Variants in MPP2 observed in about 807,000 individuals in gnomAD.
MPP2 encodes MAGUK p55 scaffold protein 2.
Under a neutral mutation model 58.5 loss-of-function variants are expected in MPP2, and 42 were observed. The observed-to-expected ratio is 0.72, with a 90% confidence interval of 0.56 to 0.93. The LOEUF (loss-of-function observed/expected upper bound fraction) is 0.93. Among genes scored for constraint, MPP2 ranks in the 40% least tolerant of loss-of-function variants. The pLI, the probability that MPP2 is intolerant of heterozygous loss-of-function variation, is 0.00. For synonymous variants in MPP2, 300 were observed against 307.8 expected, an observed-to-expected ratio of 0.97 and a Z score of 0.26; for missense variants, 632 against 760.4, an observed-to-expected ratio of 0.83 and a Z score of 1.99.
rs59817478 is a variant in MPP2, at chr17:43,877,755, A to G, written c.*52T>C. 2.3e-3 allele frequency: 3,465 copies of G among 1,505,164 alleles called. 61 individuals carry two copies. In the African/African-American group the frequency reaches 0.039, roughly 17 times the overall value. 93.2% of individuals were successfully genotyped at this position (1,505,164 alleles called of 1,614,324 possible). A position where few individuals can be genotyped will look rare whatever the true frequency, so the allele number is the denominator to read the frequency against. ...GGGTCACAGGTCAGGAGGGGGATGG[A>G]TTCAGGTTCTGGGTTTCAACACAGA... is the stretch of plus-strand genomic sequence containing the variant. On this transcript the variant is annotated 3_prime_UTR_variant, in exon 13 of 13. Coordinates refer to ENST00000269095, the MANE Select transcript of MPP2 (RefSeq NM_005374.5).
intron 2 of MPP2, among the ~76,000 whole-genome samples, chr17:43,898,672 G>A (rs1371043133): frequency 6.6e-6 from 1 of 152,232 alleles, no homozygotes; most frequent in African/African-American, 2.4e-5. Context: ...GTGGAGAGAA[G>A]GGAGAAAGGG....
chr17:43,906,895 A>G (rs1027589849), intron 1 of MPP2, among the ~76,000 whole-genome samples: 1 of 131,058 alleles, frequency 7.6e-6, no homozygotes, highest in African/African-American at 3.0e-5. Context: ...TTCTAACCCT[A>G]GCTCTTCGCT....
intron 3 of MPP2, among the ~76,000 whole-genome samples, chr17:43,897,036 G>C (rs1256452331): frequency 6.6e-6 from 1 of 152,128 alleles, no homozygotes; most frequent in African/African-American, 2.4e-5. Flanking sequence ...CCTAAGGTCT[G>C]GGACCACAGC....
At chr17:43,885,027 C>T (rs1309628903) in intron 3 of MPP2, among the ~76,000 whole-genome samples, 1 of 149,972 alleles carries the variant, frequency 6.7e-6, no homozygotes, top group Non-Finnish European at 1.5e-5. Context: ...GAGGCTGAGG[C>T]AGGAGAACCG....
At chr17:43,885,644 T>G (rs1256438746) in intron 3 of MPP2, among the ~76,000 whole-genome samples, 1 of 152,222 alleles carries the variant, frequency 6.6e-6, no homozygotes, top group Non-Finnish European at 1.5e-5. Context: ...ACTTATTTGT[T>G]CTGTCCTTCA....
At chr17:43,909,354 C>G (rs978630327), upstream of MPP2, among the ~76,000 whole-genome samples, 1 of 152,190 alleles carries the variant, frequency 6.6e-6, no homozygotes, top group Non-Finnish European at 1.5e-5. Flanking sequence ...GCATGAGCCA[C>G]TGCACCCGGC....
In MPP2 at chr17:43,904,536, G is replaced by C. The variant is rs2048217611; in HGVS notation, c.-33-43C>G. 7 of 1,566,204 alleles carry C rather than the reference G, an allele frequency of 4.5e-6. No individual in the cohort carries two copies. In the African/African-American group the frequency reaches 5.4e-5, roughly 12 times the overall value. ...GAGGATGAGCAGATACAAGGGCAAAGCAATGGGGAAGGGAATAGGAAGAGC... is the reference window on the plus strand; with the variant it reads ...GAGGATGAGCAGATACAAGGGCAAACCAATGGGGAAGGGAATAGGAAGAGC... On this transcript the variant is annotated intron_variant, in intron 1 of 12. Transcript: ENST00000269095.
At chr17:43,897,395 C>G (rs2143730244) in intron 3 of MPP2, among the ~76,000 whole-genome samples, 1 of 152,322 alleles carries the variant, frequency 6.6e-6, no homozygotes, top group African/African-American at 2.4e-5. Context: ...GCAGAAGAAT[C>G]ACTTGAACTC....
At chr17:43,906,041 G>A in intron 1 of MPP2, 3 of 951,116 alleles carry the variant, frequency 3.2e-6, no homozygotes, top group Non-Finnish European at 3.8e-6. Flanking sequence ...AGAGCAGGGA[G>A]GAGGGATCCC....
At chr17:43,892,609 C>T (rs2047653836) in intron 3 of MPP2, among the ~76,000 whole-genome samples, 1 of 151,998 alleles carries the variant, frequency 6.6e-6, no homozygotes. Context: ...GTTTCACAAC[C>T]ACAGGGAGAA....
intron 3 of MPP2, among the ~76,000 whole-genome samples, chr17:43,894,462 C>A (rs866683769): frequency 0.046 from 3,924 of 85,374 alleles, 237 homozygotes; most frequent in African/African-American, 0.14. Flanking sequence ...CACACACACA[C>A]AAAAATTAGC....
intron 2 of MPP2, among the ~76,000 whole-genome samples, chr17:43,902,152 T>A (rs575069981): frequency 1.4e-4 from 21 of 152,168 alleles, no homozygotes; most frequent in Non-Finnish European, 2.8e-4. Context: ...AAACACTTTG[T>A]ACTTCTTCCT....
chr17:43,890,483 A>C (rs2047558827), intron 3 of MPP2, among the ~76,000 whole-genome samples: 1 of 152,224 alleles, frequency 6.6e-6, no homozygotes. Flanking sequence ...AAATGCAAAC[A>C]CTACACAGTC....
intron 2 of MPP2, among the ~76,000 whole-genome samples, chr17:43,902,486 G>T (rs1297547601): frequency 1.3e-5 from 2 of 152,218 alleles, no homozygotes; most frequent in Non-Finnish European, 2.9e-5. Context: ...GCTGAAAGAG[G>T]CAGGGAGACC....
At chr17:43,893,850 C>T (rs906533523) in intron 3 of MPP2, among the ~76,000 whole-genome samples, 47 of 152,286 alleles carry the variant, frequency 3.1e-4, no homozygotes, top group African/African-American at 7.0e-4. Context: ...AACACCACAC[C>T]GCAGTTCAAA....
At chr17:43,901,487 G>A in intron 2 of MPP2, 1 of 985,490 alleles carries the variant, frequency 1.0e-6, no homozygotes, top group Non-Finnish European at 1.2e-6. Flanking sequence ...ATTCCTCTGA[G>A]ATCTTGTGCC....
In MPP2 at chr17:43,879,127, G is replaced by T; in HGVS notation, c.1482+148C>A. The T allele has an allele frequency of 1.0e-6, 1 of 985,070 alleles. No homozygotes were observed. The highest frequency in any genetic ancestry group is 1.5e-6 in the Non-Finnish European group (1 of 658,208). The allele number at this position is 985,070 out of a possible 1,614,324, so 61.0% of individuals were successfully genotyped here. A position where few individuals can be genotyped will look rare whatever the true frequency, so the allele number is the denominator to read the frequency against. Reference sequence around the variant, plus strand: ...CTCAGACCTCCCCTTCCACATCTATGCAGGGGGGACCACGTCCTGCCTCAC... The same window carrying T: ...CTCAGACCTCCCCTTCCACATCTATTCAGGGGGGACCACGTCCTGCCTCAC... On this transcript the variant is annotated intron_variant, in intron 12 of 12. Coordinates refer to ENST00000269095, the MANE Select transcript of MPP2 (RefSeq NM_005374.5). This position sits in a 1 kb window ranked among gnomAD's most constrained non-coding sequence, Gnocchi z 4.1.
In MPP2 at chr17:43,881,545, G is replaced by A. The variant is rs2047120283; in HGVS notation, c.726C>T (p.Ser242=). 1 of 1,613,960 alleles carries A rather than the reference G, an allele frequency of 6.2e-7. No individual in the cohort carries two copies. The highest frequency in any genetic ancestry group is 8.5e-7 in the Non-Finnish European group (1 of 1,179,992). The stretch of plus-strand genomic sequence containing the variant: ...GGCCTGCTTCCTTGCAGGGGATGAG[G>A]CTGTCTCGGGCCGGGTCATAGTCAA... ...CHFDYDPARD[S]LIPCKEAGLR... is the part of the protein sequence containing the mutation. The change falls in exon 7 of 13, where the codon AGC becomes AGT. Residue 242 remains serine, a synonymous_variant. Transcript: ENST00000269095.
At chr17:43,894,805 C>T (rs2047774810) in intron 3 of MPP2, among the ~76,000 whole-genome samples, 1 of 140,836 alleles carries the variant, frequency 7.1e-6, no homozygotes, top group Admixed American at 7.8e-5. Flanking sequence ...CATGGTGGTA[C>T]ATATTTGTAG....
Sources: allele counts gnomAD v4.1 joint callset (sites outside exome capture counted in the v4.1 genomes callset), GRCh38; gene constraint gnomAD v4.1.1; non-coding constraint Gnocchi (gnomAD v3.1); transcripts MANE v1.5; gene names NCBI Gene and HGNC (gene_info 2026-07-23, HGNC 2026-07-21).